GRIN2B: variants seen among roughly 807,000 people sequenced by gnomAD.
GRIN2B encodes the protein glutamate ionotropic receptor NMDA type subunit 2B, also known as glutamate receptor ionotropic, NMDA 2B.
GRIN2B carries 5 observed loss-of-function variants against 114.5 expected under a neutral mutation model. The ratio of observed to expected loss-of-function variants is 0.04; its 90% CI spans 0.02 to 0.09. The LOEUF is 0.09. GRIN2B is among the 10% of genes least tolerant of loss of function. The pLI, the probability that GRIN2B is intolerant of heterozygous loss-of-function variation, is 1.00. For missense variants in GRIN2B, 1,108 were observed against 1,943.5 expected (o/e 0.57, Z 8.08); for synonymous variants, 787 against 745.1 (o/e 1.06, Z -0.92).
intron 3 of GRIN2B, among the ~76,000 whole-genome samples, chr12:13,781,161 T>C (rs1864106066): frequency 6.6e-6 from 1 of 152,188 alleles, no homozygotes; most frequent in Non-Finnish European, 1.5e-5. Context: ...ATATTTATAC[T>C]AATTTTAAAA....
At chr12:13,642,359 C>G (rs1460613024) in intron 5 of GRIN2B, among the ~76,000 whole-genome samples, 1 of 152,176 alleles carries the variant, frequency 6.6e-6, no homozygotes, top group Non-Finnish European at 1.5e-5. Flanking sequence ...GCTGAAGGAG[C>G]ACTAAGTAGG....
At chr12:13,809,929 T>C (rs1864694865) in intron 3 of GRIN2B, among the ~76,000 whole-genome samples, 1 of 152,184 alleles carries the variant, frequency 6.6e-6, no homozygotes, top group Non-Finnish European at 1.5e-5. Context: ...TGCCTCATCT[T>C]GTGCCTCTCT....
At chr12:13,605,981 G>A (rs35077822) in intron 10 of GRIN2B, among the ~76,000 whole-genome samples, 12,266 of 152,076 alleles carry the variant, frequency 0.081, 536 homozygotes, top group African/African-American at 0.096. Context: ...CATAGGACAT[G>A]ATACACTACA....
intron 3 of GRIN2B, among the ~76,000 whole-genome samples, chr12:13,829,889 CCTT>C (rs1275445057): frequency 2.0e-5 from 3 of 152,160 alleles, no homozygotes; most frequent in African/African-American, 7.2e-5. Context: ...AGAGTCTTCT[CCTT>C]CTTCTTCCCA....
intron 3 of GRIN2B, among the ~76,000 whole-genome samples, chr12:13,772,977 G>A (rs1339026733): frequency 6.6e-6 from 1 of 152,132 alleles, no homozygotes; most frequent in African/African-American, 2.4e-5. Context: ...TCCTCTGGAA[G>A]GGCCCAGAGA....
chr12:13,743,385 G>A (rs1001660298), intron 4 of GRIN2B, among the ~76,000 whole-genome samples: 1 of 152,180 alleles, frequency 6.6e-6, no homozygotes, highest in African/African-American at 2.4e-5. Flanking sequence ...TGTGACAGAA[G>A]TGAGGACAAT....
intron 5 of GRIN2B, among the ~76,000 whole-genome samples, chr12:13,618,504 G>A (rs80287108): frequency 0.015 from 2,315 of 151,662 alleles, 81 homozygotes; most frequent in East Asian, 0.11. Context: ...ATAGCCCAGC[G>A]GCCCATTCTG....
chr12:13,597,476 G>A (rs1055421142), intron 10 of GRIN2B, among the ~76,000 whole-genome samples: 6 of 152,200 alleles, frequency 3.9e-5, no homozygotes, highest in African/African-American at 1.4e-4. Flanking sequence ...AGAGTGCCTT[G>A]GATTGGCCCT....
At chr12:13,652,554 G>A (rs900239449) in intron 5 of GRIN2B, among the ~76,000 whole-genome samples, 1 of 151,950 alleles carries the variant, frequency 6.6e-6, no homozygotes, top group African/African-American at 2.4e-5. Context: ...AGGTGAGGAA[G>A]GTATGGTAGA....
intron 3 of GRIN2B, among the ~76,000 whole-genome samples, chr12:13,864,311 G>A (rs1252895868): frequency 6.6e-6 from 1 of 152,164 alleles, no homozygotes; most frequent in Non-Finnish European, 1.5e-5. Flanking sequence ...TTTAGTCTCG[G>A]CTCAGCTGCT....
At chr12:13,960,128 C>T (rs529290029) in intron 2 of GRIN2B, among the ~76,000 whole-genome samples, 17 of 152,174 alleles carry the variant, frequency 1.1e-4, no homozygotes, top group African/African-American at 3.6e-4. Context: ...CCCCTGCTCC[C>T]CACTCATGAC....
At chr12:13,674,261 G>T (rs765358364) in intron 5 of GRIN2B, among the ~76,000 whole-genome samples, 11 of 152,122 alleles carry the variant, frequency 7.2e-5, no homozygotes, top group Non-Finnish European at 1.3e-4. Flanking sequence ...TTGGGAGGCT[G>T]AGCTGGAAGG....
Position 13,547,213 on chromosome 12 carries a change from G to A in GRIN2B, c.*15570C>T, listed in dbSNP as rs1447625806. On this transcript the variant is annotated 3_prime_UTR_variant, in exon 14 of 14. Transcript: ENST00000609686. ...CAGGAGAGCTGCCAGGAGGCTGGGA[G>A]GTGAGGAAGGGTTTCCAAGTAAGGA... The A allele has an allele frequency of 6.6e-6, 1 of 152,190 alleles. No individual in the cohort carries two copies. The highest frequency in any genetic ancestry group is 1.5e-5 in the Non-Finnish European group (1 of 68,036). 9.4% of individuals were successfully genotyped at this position (152,190 alleles called of 1,614,324 possible). A position where few individuals can be genotyped will look rare whatever the true frequency, so the allele number is the denominator to read the frequency against.
intron 4 of GRIN2B, among the ~76,000 whole-genome samples, chr12:13,682,765 A>C (rs1386489379): frequency 6.6e-6 from 1 of 152,172 alleles, no homozygotes; most frequent in Non-Finnish European, 1.5e-5. Context: ...GGCTGAACTG[A>C]ATTCATGAGA....
At chr12:13,623,536 C>G (rs1013968963) in intron 5 of GRIN2B, among the ~76,000 whole-genome samples, 9 of 152,210 alleles carry the variant, frequency 5.9e-5, no homozygotes, top group Non-Finnish European at 1.2e-4. Context: ...ATCTCCTTGC[C>G]TCACAGTGAG....
intron 11 of GRIN2B, among the ~76,000 whole-genome samples, chr12:13,571,438 C>A (rs1367127945): frequency 6.6e-6 from 1 of 150,722 alleles, no homozygotes; most frequent in Non-Finnish European, 1.5e-5. Flanking sequence ...CTCCCTTGTC[C>A]ATAAGACACC....
intron 5 of GRIN2B, among the ~76,000 whole-genome samples, chr12:13,628,658 T>C (rs1273883909): frequency 6.6e-6 from 1 of 152,222 alleles, no homozygotes; most frequent in Non-Finnish European, 1.5e-5. Context: ...GAGCAGGACA[T>C]CATCAGATGA....
chr12:13,707,680 A>C (rs1230308163), intron 4 of GRIN2B, among the ~76,000 whole-genome samples: 1 of 152,074 alleles, frequency 6.6e-6, no homozygotes, highest in Non-Finnish European at 1.5e-5. Flanking sequence ...CTTAGCACCT[A>C]TTCGGTACAG....
chr12:13,786,157 G>C (rs540542392), intron 3 of GRIN2B, among the ~76,000 whole-genome samples: 1 of 152,078 alleles, frequency 6.6e-6, no homozygotes, highest in Non-Finnish European at 1.5e-5. Flanking sequence ...AGAACGCCTC[G>C]ACTAAACTAA....
Sources: gnomAD v4.1 joint callset for allele counts (sites outside exome capture counted in the v4.1 genomes callset) on GRCh38, gnomAD v4.1.1 for gene constraint, MANE v1.5 for transcripts, NCBI Gene and HGNC (gene_info 2026-07-23, HGNC 2026-07-21) for gene names.